Variants in ADAMTSL1 observed in about 807,000 individuals in gnomAD.
The protein encoded by ADAMTSL1 is ADAMTS-like protein 1.
In ADAMTSL1, 126 loss-of-function variants were observed where a neutral mutation model predicts 201.8. The ratio of observed to expected loss-of-function variants is 0.62; its 90% confidence interval spans 0.54 to 0.72. The LOEUF (loss-of-function observed/expected upper bound fraction) is 0.72, where lower values mean the gene tolerates loss of function less well. Ranked by LOEUF, ADAMTSL1 falls within the 30% of genes least tolerant of loss-of-function variation. The pLI, the probability that ADAMTSL1 is intolerant of heterozygous loss-of-function variation, is 0.00. For synonymous variants in ADAMTSL1, 1,121 were observed against 903.4 expected, an observed-to-expected ratio of 1.24 and a Z score of -4.32; for missense variants, 2,679 against 2,277.8, an observed-to-expected ratio of 1.18 and a Z score of -3.59.
chr9:18,594,202 C>A (rs1176760279), intron 4 of ADAMTSL1, among the ~76,000 whole-genome samples: 13 of 152,032 alleles, frequency 8.6e-5, no homozygotes, highest in African/African-American at 2.9e-4. Flanking sequence ...CCTTCCTGGC[C>A]TGTAGGGTTT....
At chr9:18,786,759 C>T (rs1430852752) in intron 19 of ADAMTSL1, among the ~76,000 whole-genome samples, 1 of 152,208 alleles carries the variant, frequency 6.6e-6, no homozygotes, top group African/African-American at 2.4e-5. Flanking sequence ...GGAGAATTAT[C>T]AGCCTAAATC....
chr9:18,654,733 G>A (rs1828516445), intron 7 of ADAMTSL1, among the ~76,000 whole-genome samples: 1 of 152,186 alleles, frequency 6.6e-6, no homozygotes, highest in African/African-American at 2.4e-5. Context: ...TCAACTACCA[G>A]AACAGCCAAA....
At chr9:18,186,068 G>T (rs898808853) in intron 2 of ADAMTSL1, among the ~76,000 whole-genome samples, 2 of 152,132 alleles carry the variant, frequency 1.3e-5, no homozygotes, top group Non-Finnish European at 2.9e-5. Context: ...TATGATAAAA[G>T]CTTGAGCTGA....
chr9:18,043,545 A>G (rs969920767), intron 1 of ADAMTSL1, among the ~76,000 whole-genome samples: 1 of 151,944 alleles, frequency 6.6e-6, no homozygotes, highest in African/African-American at 2.4e-5. Flanking sequence ...TTGTTCACCA[A>G]CCTACTAGAT....
At position 18,754,896 on chromosome 9, in the gene ADAMTSL1, C is replaced by T. The variant is rs903948026; in HGVS notation, c.2217+1388C>T. 2.6e-5 allele frequency among the ~76,000 whole-genome samples: 4 copies of T among 152,108 alleles called. No individual in the cohort carries two copies. The South Asian group carries it at 6.2e-4, about 24-fold the overall frequency. On this transcript the variant is annotated intron_variant, in intron 16 of 28. Transcript: ENST00000380548. ...TATATTTTGAACACCAATGTACCAGCGCTTAAGAAATGTATATTATCGCTC... is the reference window on the plus strand; with the variant it reads ...TATATTTTGAACACCAATGTACCAGTGCTTAAGAAATGTATATTATCGCTC...
intron 1 of ADAMTSL1, among the ~76,000 whole-genome samples, chr9:18,078,240 G>A (rs1823319509): frequency 6.6e-6 from 1 of 152,008 alleles, no homozygotes; most frequent in Non-Finnish European, 1.5e-5. Flanking sequence ...TTCTCCCATT[G>A]TGCCTTTTAT....
chr9:18,354,011 T>C (rs1836093650), intron 2 of ADAMTSL1, among the ~76,000 whole-genome samples: 3 of 149,468 alleles, frequency 2.0e-5, no homozygotes, highest in African/African-American at 7.3e-5. Context: ...GTATACATCT[T>C]TATTACTTGT....
intron 3 of ADAMTSL1, among the ~76,000 whole-genome samples, chr9:18,562,160 C>G (rs950584412): frequency 1.3e-5 from 2 of 152,098 alleles, no homozygotes; most frequent in Non-Finnish European, 2.9e-5. Context: ...TGGCTGGTAC[C>G]GGTTTTTTCT....
chr9:18,470,080 C>G (rs1049106469), upstream of ADAMTSL1, among the ~76,000 whole-genome samples: 2 of 152,158 alleles, frequency 1.3e-5, no homozygotes, highest in Non-Finnish European at 2.9e-5. Flanking sequence ...CATCTGTCAG[C>G]GTCTCAGATG....
At chr9:18,299,713 G>T (rs1833625465) in intron 2 of ADAMTSL1, among the ~76,000 whole-genome samples, 1 of 152,186 alleles carries the variant, frequency 6.6e-6, no homozygotes, top group Admixed American at 6.5e-5. Context: ...GAGTCTCCAA[G>T]TGTTACAGGG....
intron 23 of ADAMTSL1, among the ~76,000 whole-genome samples, chr9:18,843,799 T>G (rs995420038): frequency 2.0e-5 from 3 of 151,082 alleles, no homozygotes; most frequent in Admixed American, 2.0e-4. Flanking sequence ...CTTCAATCAC[T>G]GATACCCTTT....
In ADAMTSL1 at chr9:18,829,847, C is replaced by G; in HGVS notation, c.4119C>G (p.Pro1373=). 1 of 1,613,994 alleles carries G rather than the reference C, an allele frequency of 6.2e-7. No individual in the cohort carries two copies. ...TESTQLLILD[P]PQVPTQLEDI... ...CCACCCTCTGCCTTCTCACAGATCC[C>G]CCCCAAGTCCCCACACAGTTGGAAG... Residue 1373 remains proline (P), a synonymous_variant, in exon 23 of 29, where the codon CCC becomes CCG. Transcript: ENST00000380548.
intron 2 of ADAMTSL1, among the ~76,000 whole-genome samples, chr9:18,321,910 A>G (rs1038852422): frequency 1.3e-5 from 2 of 152,238 alleles, no homozygotes; most frequent in African/African-American, 2.4e-5. Flanking sequence ...GTCTCAGTCA[A>G]TTTTGAAAGA....
At chr9:17,982,607 G>A (rs191218690) in intron 1 of ADAMTSL1, among the ~76,000 whole-genome samples, 14 of 152,034 alleles carry the variant, frequency 9.2e-5, no homozygotes, top group Admixed American at 3.9e-4. Context: ...GCAAGACTCC[G>A]TCTCAGGGAA....
At position 18,777,498 on chromosome 9, in the gene ADAMTSL1, A is replaced by G. The variant is rs774148803; in HGVS notation, c.3269A>G (p.Glu1090Gly). The change falls in exon 19 of 29, where the codon GAG becomes GGG. Residue 1090 changes from glutamate to glycine, a missense_variant. Coordinates refer to ENST00000380548, the MANE Select transcript of ADAMTSL1 (RefSeq NM_001040272.6). ...CTGGGGAACCTCTCCCAGCAGCCCG[A>G]GGAGCTGCGCGACCTCTACAGCAAG... ...DILGNLSQQP[E>G]ELRDLYSKHL... 2.5e-6 allele frequency: 4 copies of G among 1,596,192 alleles called. No individual in the cohort carries two copies. Among genetic ancestry groups the G allele is most frequent in the African/African-American group, 1.3e-5 (1 of 74,630 alleles).
chr9:18,024,122 AT>A (rs1161266170), intron 1 of ADAMTSL1, among the ~76,000 whole-genome samples: 1 of 151,920 alleles, frequency 6.6e-6, no homozygotes, highest in Admixed American at 6.6e-5. Flanking sequence ...CTACTGCTTT[AT>A]TTTTTTATTG....
intron 2 of ADAMTSL1, among the ~76,000 whole-genome samples, chr9:18,320,393 A>G (rs1040381036): frequency 2.0e-5 from 3 of 152,228 alleles, no homozygotes; most frequent in African/African-American, 7.2e-5. Flanking sequence ...ACAAGTCCAC[A>G]TATAGTTCTA....
intron 1 of ADAMTSL1, among the ~76,000 whole-genome samples, chr9:18,032,761 G>T (rs915129987): frequency 2.6e-5 from 4 of 152,200 alleles, no homozygotes; most frequent in African/African-American, 4.8e-5. Context: ...TGTGGGGGTT[G>T]TGGTATCTCT....
chr9:18,458,428 G>T (rs551577825), intron 2 of ADAMTSL1, among the ~76,000 whole-genome samples: 1 of 152,202 alleles, frequency 6.6e-6, no homozygotes, highest in South Asian at 2.1e-4. Flanking sequence ...TTAGTGAGTG[G>T]ATCACTGCCC....
Sources: allele counts gnomAD v4.1 joint callset (sites outside exome capture counted in the v4.1 genomes callset), GRCh38; gene constraint gnomAD v4.1.1; transcripts MANE v1.5; gene names NCBI Gene and HGNC (gene_info 2026-07-23, HGNC 2026-07-21).